The following KCNIP4 variants were observed in gnomAD, a reference collection of about 807,000 sequenced individuals.
KCNIP4 encodes the protein potassium voltage-gated channel interacting protein 4.
KCNIP4 carries 12 observed loss-of-function variants against 34.0 expected under a neutral mutation model. The observed-to-expected ratio is 0.35, with a 90% CI of 0.23 to 0.57. The LOEUF is 0.57. KCNIP4 is among the 20% of genes least tolerant of loss of function. The pLI is 0.83. For missense variants in KCNIP4, 238 were observed against 311.7 expected, an observed-to-expected ratio of 0.76 and a Z score of 1.78; for synonymous variants, 124 against 102.2, an observed-to-expected ratio of 1.21 and a Z score of -1.29.
At chr4:21,479,009 C>T (rs1190522424) in intron 1 of KCNIP4, among the ~76,000 whole-genome samples, 3 of 152,172 alleles carry the variant, frequency 2.0e-5, no homozygotes, top group Non-Finnish European at 1.5e-5. Flanking sequence ...CAAATACATA[C>T]AGACTATAAC....
chr4:21,643,878 AG>A (rs1746811644), intron 1 of KCNIP4, among the ~76,000 whole-genome samples: 2 of 130,024 alleles, frequency 1.5e-5, no homozygotes, highest in African/African-American at 3.2e-5. Flanking sequence ...GATGATAGAT[AG>A]ATAGATAGAT....
At position 20,730,019 on chromosome 4, in the gene KCNIP4, C is replaced by CCAA; in HGVS notation, c.*60_*62dup. The CCAA allele has an allele frequency of 6.5e-7, 1 of 1,539,408 alleles. No homozygotes were observed. On this transcript the variant is annotated 3_prime_UTR_variant, in exon 9 of 9. Transcript: ENST00000382152. ...GCAATCTATGCTAAAAGTGGTAGCT[C>CCAA]CAACTTTAAGGGTGGTAGAATAGTT...
At chr4:20,753,521 A>AC (rs1251383063) in intron 4 of KCNIP4, among the ~76,000 whole-genome samples, 1 of 152,212 alleles carries the variant, frequency 6.6e-6, no homozygotes, top group Non-Finnish European at 1.5e-5. Flanking sequence ...GAACAAACAC[A>AC]CTTGATTATC....
At chr4:20,880,301 T>C (rs1386215656) in intron 2 of KCNIP4, among the ~76,000 whole-genome samples, 1 of 152,062 alleles carries the variant, frequency 6.6e-6, no homozygotes, top group Non-Finnish European at 1.5e-5. Context: ...TTTGCAAACA[T>C]GATAAACCAT....
At chr4:21,235,037 C>T (rs1479068721) in intron 1 of KCNIP4, among the ~76,000 whole-genome samples, 3 of 152,058 alleles carry the variant, frequency 2.0e-5, no homozygotes, top group Admixed American at 2.0e-4. Flanking sequence ...TAAAAATACA[C>T]ATGTAGATCA....
chr4:20,745,184 T>A (rs902933355), intron 5 of KCNIP4, among the ~76,000 whole-genome samples: 1 of 151,920 alleles, frequency 6.6e-6, no homozygotes, highest in African/African-American at 2.4e-5. Flanking sequence ...ATCTCTGGCC[T>A]TTTTGTTGCT....
chr4:21,490,146 T>A (rs1732269143), intron 1 of KCNIP4, among the ~76,000 whole-genome samples: 1 of 152,198 alleles, frequency 6.6e-6, no homozygotes, highest in Non-Finnish European at 1.5e-5. Context: ...TTAATAATTT[T>A]AACAGATAAT....
In KCNIP4 at chr4:21,200,320, ATGTGTG is replaced by A. The variant is rs879665843; in HGVS notation, c.62-317617_62-317612del. 4.1e-3 allele frequency among the ~76,000 whole-genome samples: 225 copies of A among 54,734 alleles called. 2 individuals carry two copies. The highest frequency in any genetic ancestry group is 0.012 in the African/African-American group (82 of 6,674). 35.9% of individuals were successfully genotyped at this position (54,734 alleles called of 152,430 possible). A position where few individuals can be genotyped will look rare whatever the true frequency, so the allele number is the denominator to read the frequency against. On this transcript the variant is annotated intron_variant, in intron 1 of 8. Transcript: ENST00000382152. ...TGTGTGTATATATATACATACATAT[ATGTGTG>A]TATATATATATACATACATATATGT...
intron 1 of KCNIP4, among the ~76,000 whole-genome samples, chr4:21,413,316 G>A (rs570520074): frequency 6.6e-6 from 1 of 152,244 alleles, no homozygotes; most frequent in Non-Finnish European, 1.5e-5. Flanking sequence ...TCGAGAAATG[G>A]CCATGGAACT....
At chr4:21,113,454 TTAAAAAA>T (rs1396624050) in intron 1 of KCNIP4, among the ~76,000 whole-genome samples, 1 of 55,662 alleles carries the variant, frequency 1.8e-5, no homozygotes, top group African/African-American at 7.8e-5. Flanking sequence ...ATCTATAAGT[TTAAAAAA>T]AAAAAAAAAA....
chr4:21,158,316 C>T (rs1001209425), intron 1 of KCNIP4, among the ~76,000 whole-genome samples: 1 of 151,970 alleles, frequency 6.6e-6, no homozygotes, highest in Non-Finnish European at 1.5e-5. Context: ...GCCAGCATTA[C>T]CCCAGTATCA....
intron 1 of KCNIP4, among the ~76,000 whole-genome samples, chr4:21,060,244 T>C (rs1743795636): frequency 6.6e-6 from 1 of 152,136 alleles, no homozygotes; most frequent in South Asian, 2.1e-4. Flanking sequence ...CCCACAAAAT[T>C]GAGCTGATTT....
intron 3 of KCNIP4, among the ~76,000 whole-genome samples, chr4:20,805,844 A>G (rs749044781): frequency 6.6e-6 from 1 of 152,070 alleles, no homozygotes; most frequent in Admixed American, 6.6e-5. Context: ...CTGGTTCAAT[A>G]GTGGTATTTT....
Position 21,191,952 on chromosome 4 carries a change from A to T in KCNIP4, c.62-309243T>A, listed in dbSNP as rs867376883. On this transcript the variant is annotated intron_variant, in intron 1 of 8. Transcript: ENST00000382152. Reference sequence around the variant, plus strand: ...CCTGAACCATGATCAATCTGTCTTTATGCTTCCAGTAGAGATCTTGATTCA... The same window carrying T: ...CCTGAACCATGATCAATCTGTCTTTTTGCTTCCAGTAGAGATCTTGATTCA... 5.9e-5 allele frequency among the ~76,000 whole-genome samples: 9 copies of T among 152,282 alleles called. No homozygotes were observed. The South Asian group carries it at 1.7e-3, about 28-fold the overall frequency.
intron 1 of KCNIP4, among the ~76,000 whole-genome samples, chr4:20,884,683 C>A (rs1725086150): frequency 6.7e-6 from 1 of 149,672 alleles, no homozygotes; most frequent in Non-Finnish European, 1.5e-5. Flanking sequence ...CACCAACTCT[C>A]AACTTCTGTA....
rs930907339 is a variant in KCNIP4 at position 21,501,970 on chromosome 4, C to A, written c.61+446601G>T. On this transcript the variant is annotated intron_variant, in intron 1 of 8. Transcript: ENST00000382152. ...ACATAGACAAATGAGGGAGAATTTT[C>A]TCTCTCTCTCTCTCATGCACACGCA... Among the ~76,000 whole-genome samples, 5 of 135,576 alleles carry A rather than the reference C, an allele frequency of 3.7e-5. No individual in the cohort carries two copies. The East Asian group carries it at 1.0e-3, about 28-fold the overall frequency. The allele number at this position is 135,576 out of a possible 152,430, so 88.9% of individuals were successfully genotyped here. A position where few individuals can be genotyped will look rare whatever the true frequency, so the allele number is the denominator to read the frequency against.
In KCNIP4 at chr4:20,729,714, G is replaced by A. The variant is rs894626246; in HGVS notation, c.*368C>T. 5.8e-6 allele frequency: 1 copy of A among 170,966 alleles called. No homozygotes were observed. The highest frequency in any genetic ancestry group is 6.3e-5 in the Admixed American group (1 of 15,832). 10.6% of individuals were successfully genotyped at this position (170,966 alleles called of 1,614,324 possible). A position where few individuals can be genotyped will look rare whatever the true frequency, so the allele number is the denominator to read the frequency against. On this transcript the variant is annotated 3_prime_UTR_variant, in exon 9 of 9. Transcript: ENST00000382152. ...TATTAGAAAACCATTCAAAATCCTA[G>A]GACTGAATACATACAAATGAGTAGC...
At chr4:21,368,413 C>T (rs1250032441) in intron 1 of KCNIP4, among the ~76,000 whole-genome samples, 1 of 147,018 alleles carries the variant, frequency 6.8e-6, no homozygotes, top group African/African-American at 2.7e-5. Context: ...ACATACACTC[C>T]CCCCAAAATA....
intron 1 of KCNIP4, among the ~76,000 whole-genome samples, chr4:21,807,375 C>T (rs901367063): frequency 7.9e-5 from 12 of 152,176 alleles, no homozygotes; most frequent in African/African-American, 2.9e-4. Flanking sequence ...TTACACATCT[C>T]CATGAAGGCC....
Sources: allele counts gnomAD v4.1 joint callset (sites outside exome capture counted in the v4.1 genomes callset), GRCh38; gene constraint gnomAD v4.1.1; transcripts MANE v1.5; gene names NCBI Gene and HGNC (gene_info 2026-07-23, HGNC 2026-07-21).